Variants in LIG3 observed in about 807,000 individuals in gnomAD.
The protein encoded by LIG3 is ligase II, DNA, ATP-dependent.
LIG3 carries 58 observed loss-of-function variants against 110.9 expected under a neutral mutation model. The ratio of observed to expected loss-of-function variants is 0.52; its 90% CI spans 0.42 to 0.65. LIG3 has a LOEUF of 0.65. Ranked by LOEUF, LIG3 falls within the 30% of genes least tolerant of loss-of-function variation. The pLI is 0.00. For missense variants in LIG3, 1,094 were observed against 1,273.8 expected (o/e 0.86, Z 2.15); for synonymous variants, 422 against 472.8 (o/e 0.89, Z 1.39).
intron 1 of LIG3, among the ~76,000 whole-genome samples, chr17:34,981,836 A>G (rs1567683651): frequency 6.6e-6 from 1 of 152,276 alleles, no homozygotes; most frequent in South Asian, 2.1e-4. Flanking sequence ...AAACATGAAT[A>G]TAAGAAGATG....
At chr17:35,003,140 G>A in intron 19 of LIG3, 1 of 1,573,094 alleles carries the variant, frequency 6.4e-7, no homozygotes, top group Non-Finnish European at 8.6e-7. Context: ...GACCAGTCTG[G>A]GTGTGGGAAT....
chr17:35,000,652 G>C (rs2090831030), intron 16 of LIG3, among the ~76,000 whole-genome samples: 1 of 121,166 alleles, frequency 8.3e-6, no homozygotes, highest in African/African-American at 3.3e-5. Context: ...GTCTCACTCT[G>C]TTGTCCAGGC....
chr17:35,001,466 C>A, intron 17 of LIG3, 63 bp downstream of exon 17: 1 of 1,495,056 alleles, frequency 6.7e-7, no homozygotes, highest in Non-Finnish European at 9.3e-7. Context: ...GAGCCTTGGG[C>A]ATCTAGACCA....
chr17:34,981,619 C>T (rs761859396), intron 1 of LIG3: 4 of 152,224 alleles, frequency 2.6e-5, no homozygotes, highest in Non-Finnish European at 5.9e-5. Flanking sequence ...TAAGAGTTTT[C>T]TCCGAGGTAA....
rs1272966444 is a variant in LIG3 at position 35,002,745 on chromosome 17, G to A, written c.2752G>A (p.Gly918Arg). 1 of 1,612,214 alleles carries A rather than the reference G, an allele frequency of 6.2e-7. No homozygotes were observed. The highest frequency in any genetic ancestry group is 8.5e-7 in the Non-Finnish European group (1 of 1,179,136). The change falls in exon 19 of 20, where the codon GGG becomes AGG. Residue 918 changes from glycine to arginine, a missense_variant. Transcript: ENST00000378526. ...LATKSSPVKV[G>R]EKRKAADETL... The stretch of plus-strand genomic sequence containing the variant: ...CACAAAGTCTTCTCCAGTGAAAGTA[G>A]GGGAGAAGCGGAAAGCTGCTGATGA...
intron 3 of LIG3, among the ~76,000 whole-genome samples, chr17:34,988,984 T>C (rs1288849924): frequency 6.6e-6 from 1 of 152,216 alleles, no homozygotes; most frequent in Non-Finnish European, 1.5e-5. Context: ...TGGGATCAGC[T>C]TTACAATTGC....
intron 2 of LIG3, among the ~76,000 whole-genome samples, chr17:34,984,066 C>A (rs1266440401): frequency 6.6e-6 from 1 of 152,110 alleles, no homozygotes; most frequent in South Asian, 2.1e-4. Context: ...GGATATATGA[C>A]CCTTATGCGA....
At chr17:34,997,666 C>T (rs1433111006) in intron 11 of LIG3, 72 bp from the exon 12 acceptor site, 3 of 1,085,364 alleles carry the variant, frequency 2.8e-6, no homozygotes, top group East Asian at 4.7e-5. Flanking sequence ...TCATTGTGGC[C>T]CTTCCTTCCT....
At chr17:34,991,293 T>C (rs3135983) in intron 5 of LIG3, 179 bp downstream of exon 5, 4 of 629,228 alleles carry the variant, frequency 6.4e-6, no homozygotes, top group Admixed American at 3.2e-5. Context: ...TCTTAATTTC[T>C]TAAGTTTCTG....
chr17:34,993,516 C>G (rs1323113948), intron 8 of LIG3, among the ~76,000 whole-genome samples: 1 of 152,170 alleles, frequency 6.6e-6, no homozygotes, highest in African/African-American at 2.4e-5. Flanking sequence ...CTCCTGGAGT[C>G]TGTTCTATAG....
At position 34,990,944 on chromosome 17, in the gene LIG3, G is replaced by C. The variant is rs773511730; in HGVS notation, c.890-19G>C. On this transcript the variant is annotated intron_variant, in intron 4 of 19. Coordinates refer to ENST00000378526, the MANE Select transcript of LIG3 (RefSeq NM_013975.4). ...TTGTTTAAGCTCTATTTCTCAAGAA[G>C]GGTTCCTTCTGTCTCCAGATGGTTT... 25 of 1,611,458 alleles carry C rather than the reference G, an allele frequency of 1.6e-5. No homozygotes were observed. Among genetic ancestry groups the C allele is most frequent in the East Asian group, 2.2e-5 (1 of 44,834 alleles).
chr17:34,988,068 C>G (rs2142243870), intron 3 of LIG3, among the ~76,000 whole-genome samples: 1 of 151,826 alleles, frequency 6.6e-6, no homozygotes, highest in South Asian at 2.1e-4. Flanking sequence ...TGGCAGGCAC[C>G]TGTAGTCCCA....
At position 35,005,470 on chromosome 17, in the gene LIG3, GTA is replaced by G. The variant is rs1294008346; in HGVS notation, c.*966_*967del. 2.0e-5 allele frequency: 11 copies of G among 561,242 alleles called. No individual in the cohort carries two copies. Among genetic ancestry groups the G allele is most frequent in the Non-Finnish European group, 3.2e-5 (9 of 276,942 alleles). The allele number at this position is 561,242 out of a possible 1,614,324, so 34.8% of individuals were successfully genotyped here. A position where few individuals can be genotyped will look rare whatever the true frequency, so the allele number is the denominator to read the frequency against. On this transcript the variant is annotated 3_prime_UTR_variant, in exon 20 of 20. Coordinates refer to ENST00000378526, the MANE Select transcript of LIG3 (RefSeq NM_013975.4). Reference sequence around the variant, plus strand: ...TTATATGATATTGTTGAACCCCCAAGTATTGGCTGATGAACGTGGGCATCAGA... The same window carrying G: ...TTATATGATATTGTTGAACCCCCAAGTTGGCTGATGAACGTGGGCATCAGA...
intron 4 of LIG3, among the ~76,000 whole-genome samples, chr17:34,990,746 T>G (rs1261091104): frequency 6.6e-6 from 1 of 152,170 alleles, no homozygotes; most frequent in Non-Finnish European, 1.5e-5. Context: ...CATAGGCATA[T>G]GCCACCATGT....
chr17:34,991,611 TG>T, intron 5 of LIG3, 59 bp from the exon 6 acceptor site: 6 of 1,557,928 alleles, frequency 3.9e-6, no homozygotes, highest in Non-Finnish European at 5.3e-6. Flanking sequence ...TCCTGGGTCT[TG>T]GGGGATACAC....
At chr17:34,981,247 C>G (rs2090588132) in intron 1 of LIG3, 1 of 152,304 alleles carries the variant, frequency 6.6e-6, no homozygotes, top group Admixed American at 6.5e-5. Context: ...CAAGTCCACT[C>G]CTTTCATTAT....
chr17:35,002,809 C>T lies in LIG3; in HGVS notation c.2796+20C>T, dbSNP rs778468086. On this transcript the variant is annotated intron_variant, in intron 19 of 19. Transcript: ENST00000378526. ...ACAAAGGTGAGGGTAAAAACAGCAA[C>T]ACACCACGTGGGCCAGTTTAGCCCA... 56 of 1,583,122 alleles carry T rather than the reference C, an allele frequency of 3.5e-5. No individual in the cohort carries two copies. The highest frequency in any genetic ancestry group is 5.2e-5 in the Admixed American group (3 of 57,962).
At position 35,007,085 on chromosome 17, in the gene LIG3, C is replaced by G. The variant is rs577341894; in HGVS notation, c.*2579C>G. The G allele has an allele frequency of 6.6e-6, 1 of 152,160 alleles. No individual in the cohort carries two copies. The highest frequency in any genetic ancestry group is 2.4e-5 in the African/African-American group (1 of 41,346). The allele number at this position is 152,160 out of a possible 1,614,324, so 9.4% of individuals were successfully genotyped here. ...TTTCTCTCTTCAGCCTCAGGCCAAA[C>G]AAACAACCGGACAGGGCAGCAGAAC... is the stretch of plus-strand genomic sequence containing the variant. On this transcript the variant is annotated 3_prime_UTR_variant, in exon 20 of 20. Transcript: ENST00000378526.
rs1398182891 is a variant in LIG3 at position 34,983,543 on chromosome 17, C to T, written c.538C>T (p.His180Tyr). The T allele has an allele frequency of 1.2e-6, 2 of 1,612,302 alleles. No homozygotes were observed. Among genetic ancestry groups the T allele is most frequent in the East Asian group, 2.2e-5 (1 of 44,888 alleles). Residue 180 changes from histidine (H) to tyrosine (Y), a missense_variant, in exon 2 of 20, where the codon CAC (histidine) becomes TAC (tyrosine). Physicochemically the swap from His to Tyr is moderately conservative, Grantham distance 83 (BLOSUM62 2). Transcript: ENST00000378526. Reference protein sequence around the residue: ...EDNEKEQITQHIADLSSKAAG... With the variant: ...EDNEKEQITQYIADLSSKAAG... ...TAATGAGAAGGAACAGATAACCCAG[C>T]ACATTGCAGGTAAGGTAGAGAACAC...
Sources: allele counts gnomAD v4.1 joint callset (sites outside exome capture counted in the v4.1 genomes callset), GRCh38; gene constraint gnomAD v4.1.1; transcripts MANE v1.5; gene names NCBI Gene and HGNC (gene_info 2026-07-23, HGNC 2026-07-21).